NLRP6: variants seen among roughly 807,000 people sequenced by gnomAD.
NLRP6 encodes the protein NACHT, LRR and PYD domains-containing protein 6.
In NLRP6, 55 loss-of-function variants were observed where a neutral mutation model predicts 70.9. The ratio of observed to expected loss-of-function variants is 0.78; its 90% CI spans 0.62 to 0.97. The LOEUF (loss-of-function observed/expected upper bound fraction) is 0.97, where lower values mean the gene tolerates loss of function less well. Ranked by LOEUF, NLRP6 falls within the 50% of genes least tolerant of loss-of-function variation. The pLI is 0.00. For synonymous variants in NLRP6, 652 were observed against 581.9 expected, an observed-to-expected ratio of 1.12 and a Z score of -1.73; for missense variants, 1,241 against 1,238.3, an observed-to-expected ratio of 1.00 and a Z score of -0.03.
rs1282157045 is a variant in NLRP6 at position 281,643 on chromosome 11, G to A, written c.1909G>A (p.Ala637Thr). Residue 637 changes from alanine to threonine, a missense_variant, in exon 4 of 8, where the codon GCC (alanine) becomes ACC (threonine). By Grantham distance (58) the Ala-to-Thr change is moderately conservative (BLOSUM62 0). Transcript: ENST00000534750. Reference sequence around the variant, plus strand: ...GCAGGAGGACGCGTTTGTGCGCCAAGCCCTGTGCCGGTTCCCGGAGCTGGC... The same window carrying A: ...GCAGGAGGACGCGTTTGTGCGCCAAACCCTGTGCCGGTTCCCGGAGCTGGC... ...ETQEDAFVRQALCRFPELALQ... is the reference protein window; with the variant it reads ...ETQEDAFVRQTLCRFPELALQ... 2 of 1,613,266 alleles carry A rather than the reference G, an allele frequency of 1.2e-6. No individual in the cohort carries two copies. The highest frequency in any genetic ancestry group is 2.7e-5 in the African/African-American group (2 of 74,958).
In NLRP6 at chr11:281,310, G is replaced by C; in HGVS notation, c.1576G>C (p.Val526Leu). The C allele has an allele frequency of 6.2e-7, 1 of 1,609,766 alleles. No homozygotes were observed. Among genetic ancestry groups the C allele is most frequent in the Non-Finnish European group, 8.5e-7 (1 of 1,178,142 alleles). The change falls in exon 4 of 8, where the codon GTT becomes CTT. Residue 526 changes from valine (V) to leucine (L), a missense_variant. Coordinates refer to ENST00000534750, the MANE Select transcript of NLRP6 (RefSeq NM_001276700.2). ...GGTGCCCAGGACCGCGGCTGGCGGC[G>C]TTGGGACACTCCTGCGTGGGGACGC... ...GGVPRTAAGG[V>L]GTLLRGDAQP...
chr11:279,122 C>A, intron 1 of NLRP6: 1 of 424,702 alleles, frequency 2.4e-6, no homozygotes, highest in Non-Finnish European at 3.9e-6. Flanking sequence ...CACCAAGACG[C>A]CCCGACCCGG....
At chr11:284,835 GC>G (rs1845535915) in intron 7 of NLRP6, among the ~76,000 whole-genome samples, 193 bp downstream of exon 7, 1 of 152,190 alleles carries the variant, frequency 6.6e-6, no homozygotes, top group African/African-American at 2.4e-5. Flanking sequence ...ACAGCTCGGG[GC>G]CTTGACCACT....
At position 281,476 on chromosome 11, in the gene NLRP6, G is replaced by A. The variant is rs771362739; in HGVS notation, c.1742G>A (p.Gly581Glu). Residue 581 changes from glycine (G) to glutamate (E), a missense_variant, in exon 4 of 8, where the codon GGA becomes GAA. Physicochemically the swap from Gly to Glu is moderately conservative, Grantham distance 98. Transcript: ENST00000534750. ...VKQEALRWVQ[G>E]QGQGCPGVAP... ...CAGGAGGCCCTGCGGTGGGTGCAGG[G>A]ACAGGGACAGGGCTGCCCCGGAGTG... The A allele has an allele frequency of 1.9e-6, 3 of 1,597,630 alleles. No homozygotes were observed. The Admixed American group carries it at 5.1e-5, about 27-fold the overall frequency.
At position 280,628 on chromosome 11, in the gene NLRP6, C is replaced by T. The variant is rs1349820079; in HGVS notation, c.894C>T (p.Pro298=). ...GGPEAAPCTD[P]FEAASGARVL... is the part of the protein sequence containing the mutation. ...CCGAGGCCGCGCCCTGCACAGACCC[C>T]TTCGAGGCGGCGAGCGGCGCGCGGG... is the stretch of plus-strand genomic sequence containing the variant. The change falls in exon 4 of 8, where the codon CCC becomes CCT. Residue 298 remains proline, a synonymous_variant. Coordinates refer to ENST00000534750, the MANE Select transcript of NLRP6 (RefSeq NM_001276700.2). The T allele has an allele frequency of 1.3e-6, 2 of 1,498,930 alleles. No individual in the cohort carries two copies. Among genetic ancestry groups the T allele is most frequent in the Non-Finnish European group, 1.8e-6 (2 of 1,133,398 alleles). The allele number at this position is 1,498,930 out of a possible 1,614,324, so 92.9% of individuals were successfully genotyped here. A position where few individuals can be genotyped will look rare whatever the true frequency, so the allele number is the denominator to read the frequency against.
chr11:279,713 A>T, intron 2 of NLRP6, 106 bp downstream of exon 2: 3 of 1,343,348 alleles, frequency 2.2e-6, no homozygotes, highest in Non-Finnish European at 2.9e-6. Flanking sequence ...CGCGCGTTTT[A>T]TCCACAAATT....
At chr11:282,634 T>A in intron 4 of NLRP6, 71 bp from the exon 5 acceptor site, 1 of 1,182,750 alleles carries the variant, frequency 8.5e-7, no homozygotes, top group Non-Finnish European at 1.3e-6. Flanking sequence ...GGACTACAGA[T>A]AGACAGGAGT....
At chr11:279,647 G>A in intron 2 of NLRP6, 40 bp downstream of exon 2, 4 of 1,379,156 alleles carry the variant, frequency 2.9e-6, no homozygotes, top group Non-Finnish European at 3.7e-6. Context: ...CTGGGCAGAG[G>A]CTGGGCTGCC....
intron 5 of NLRP6, among the ~76,000 whole-genome samples, chr11:283,962 G>A (rs1436076592): frequency 6.6e-6 from 1 of 152,148 alleles, no homozygotes; most frequent in African/African-American, 2.4e-5. Flanking sequence ...CCTCATCTTG[G>A]TGGACGATTG....
chr11:285,095 C>T (rs1013721420), intron 7 of NLRP6, 71 bp from the exon 8 acceptor site: 22 of 1,442,802 alleles, frequency 1.5e-5, no homozygotes, highest in South Asian at 8.6e-5. Flanking sequence ...GCTGCCCCCA[C>T]GGCACTGCCC....
In NLRP6 at chr11:285,322, C is replaced by T. The variant is rs754685501; in HGVS notation, c.*18C>T. 3 of 1,604,592 alleles carry T rather than the reference C, an allele frequency of 1.9e-6. No individual in the cohort carries two copies. Among genetic ancestry groups the T allele is most frequent in the Non-Finnish European group, 2.6e-6 (3 of 1,175,108 alleles). On this transcript the variant is annotated 3_prime_UTR_variant, in exon 8 of 8. Coordinates refer to ENST00000534750, the MANE Select transcript of NLRP6 (RefSeq NM_001276700.2). ...CCTTCTGAGGCTCTGGTGGCCAGAG[C>T]AGGGTGGAAGACCCTAGTCAAAGTC...
chr11:280,427 C>T lies in NLRP6; in HGVS notation c.693C>T (p.Phe231=), dbSNP rs777182815. Residue 231 remains phenylalanine (F), a synonymous_variant, in exon 4 of 8, where the codon TTC becomes TTT. Coordinates refer to ENST00000534750, the MANE Select transcript of NLRP6 (RefSeq NM_001276700.2). ...AGKLYQGQVD[F]AFFMPCGELL... is the part of the protein sequence containing the mutation. ...AGCTGTACCAGGGCCAGGTGGACTT[C>T]GCCTTCTTCATGCCCTGCGGCGAGC... 6.3e-7 allele frequency: 1 copy of T among 1,590,210 alleles called. No homozygotes were observed.
At chr11:284,129 A>T in intron 5 of NLRP6, 101 bp from the exon 6 acceptor site, 2 of 1,059,674 alleles carry the variant, frequency 1.9e-6, no homozygotes, top group South Asian at 1.4e-5. Context: ...CACATCTCTC[A>T]GCTGAACCCT....
chr11:279,638 TGGGC>T, intron 2 of NLRP6, 31 bp downstream of exon 2: 1 of 1,384,750 alleles, frequency 7.2e-7, no homozygotes, highest in Non-Finnish European at 9.3e-7. Flanking sequence ...CCCTCCTGTC[TGGGC>T]AGAGGCTGGG....
Position 279,397 on chromosome 11 carries a change from C to T in NLRP6, c.100C>T (p.Leu34=). 1.5e-6 allele frequency: 2 copies of T among 1,351,270 alleles called. No individual in the cohort carries two copies. Among genetic ancestry groups the T allele is most frequent in the East Asian group, 3.1e-5 (1 of 32,148 alleles). The allele number at this position is 1,351,270 out of a possible 1,614,324, so 83.7% of individuals were successfully genotyped here. Reference sequence around the variant, plus strand: ...GCTGGAGGAACTGAGCCAAGAGCAGCTGAAGCGCTTCCGCCACAAGCTGCG... The same window carrying T: ...GCTGGAGGAACTGAGCCAAGAGCAGTTGAAGCGCTTCCGCCACAAGCTGCG... The part of the protein sequence containing the change: ...AALEELSQEQ[L]KRFRHKLRDV... The change falls in exon 2 of 8, where the codon CTG becomes TTG. Residue 34 remains leucine, a synonymous_variant. Coordinates refer to ENST00000534750, the MANE Select transcript of NLRP6 (RefSeq NM_001276700.2).
chr11:285,104 C>A (rs1342834066), intron 7 of NLRP6, 62 bp from the exon 8 acceptor site: 6 of 1,517,822 alleles, frequency 4.0e-6, no homozygotes, highest in Non-Finnish European at 1.8e-6. Flanking sequence ...ACGGCACTGC[C>A]CCCAAGCCCT....
rs768361346 is a variant in NLRP6 at position 282,802 on chromosome 11, G to C, written c.2198+5G>C. ...GTGCCATCTGAGCAGCCTCACGTGA[G>C]TGGCCACACCCCCAGCTCTTCCCAC... On this transcript the variant is annotated splice_donor_5th_base_variant and intron_variant, in intron 5 of 7. Transcript: ENST00000534750. 3 of 1,600,832 alleles carry C rather than the reference G, an allele frequency of 1.9e-6. No individual in the cohort carries two copies. Among genetic ancestry groups the C allele is most frequent in the Non-Finnish European group, 2.6e-6 (3 of 1,168,006 alleles).
intron 4 of NLRP6, among the ~76,000 whole-genome samples, chr11:282,357 T>C (rs1460992588): frequency 1.3e-5 from 2 of 152,130 alleles, no homozygotes; most frequent in African/African-American, 4.8e-5. Flanking sequence ...CAGAGTTCCT[T>C]TGAATATAGC....
chr11:280,369 C>A lies in NLRP6; in HGVS notation c.635C>A (p.Ala212Asp). Residue 212 changes from alanine to aspartate, a missense_variant, in exon 4 of 8, where the codon GCC becomes GAC. Ala to Asp is a moderately radical substitution (Grantham distance 126). Transcript: ENST00000534750. ...GPAGIGKTMA[A>D]KKILYDWAAG... ...GCGGGCATCGGCAAGACCATGGCGG[C>A]CAAAAAGATCCTGTACGACTGGGCG... is the stretch of plus-strand genomic sequence containing the variant. 1 of 1,542,758 alleles carries A rather than the reference C, an allele frequency of 6.5e-7. No individual in the cohort carries two copies. Among genetic ancestry groups the A allele is most frequent in the African/African-American group, 1.4e-5 (1 of 72,404 alleles).
Sources: gnomAD v4.1 joint callset for allele counts (sites outside exome capture counted in the v4.1 genomes callset) on GRCh38, gnomAD v4.1.1 for gene constraint, MANE v1.5 for transcripts, NCBI Gene and HGNC (gene_info 2026-07-23, HGNC 2026-07-21) for gene names.